The following DLG2 variants were observed in gnomAD, a reference collection of about 807,000 sequenced individuals.
The protein encoded by DLG2 is disks large homolog 2.
Under a neutral mutation model 132.5 loss-of-function variants are expected in DLG2, and 45 were observed. The observed-to-expected ratio is 0.34, with a 90% CI of 0.27 to 0.44. The LOEUF (loss-of-function observed/expected upper bound fraction) is 0.44, where lower values mean the gene tolerates loss of function less well. DLG2 is among the 20% of genes least tolerant of loss of function. The pLI is 1.00. For missense variants in DLG2, 1,045 were observed against 1,196.9 expected (o/e 0.87, Z 1.87); for synonymous variants, 424 against 419.6 (o/e 1.01, Z -0.13).
intron 3 of DLG2, among the ~76,000 whole-genome samples, chr11:85,337,542 G>T (rs1481176847): frequency 2.0e-5 from 3 of 152,170 alleles, no homozygotes; most frequent in African/African-American, 7.2e-5. Context: ...ATGCAAGACT[G>T]TACATTTTTA....
intron 6 of DLG2, among the ~76,000 whole-genome samples, chr11:84,644,156 C>G (rs1413764629): frequency 6.6e-6 from 1 of 152,084 alleles, no homozygotes; most frequent in African/African-American, 2.4e-5. Context: ...CCTGAGTTTT[C>G]CCGGGGGCTG....
intron 6 of DLG2, among the ~76,000 whole-genome samples, chr11:84,748,250 A>G (rs1331131154): frequency 6.6e-6 from 1 of 152,192 alleles, no homozygotes; most frequent in African/African-American, 2.4e-5. Context: ...TGAGGCCCCC[A>G]ACATGCCAAT....
At chr11:84,848,323 A>G (rs1382831638) in intron 6 of DLG2, among the ~76,000 whole-genome samples, 1 of 151,936 alleles carries the variant, frequency 6.6e-6, no homozygotes, top group Admixed American at 6.6e-5. Context: ...GTGAAGACCC[A>G]TCTCTACTAA....
At chr11:85,505,484 G>T (rs1350745850) in intron 3 of DLG2, among the ~76,000 whole-genome samples, 1 of 152,012 alleles carries the variant, frequency 6.6e-6, no homozygotes, top group Admixed American at 6.6e-5. Flanking sequence ...AAATTATGTG[G>T]TTTTTGTCTT....
chr11:84,253,223 C>T (rs2097414925), intron 7 of DLG2, among the ~76,000 whole-genome samples: 2 of 152,004 alleles, frequency 1.3e-5, no homozygotes, highest in Admixed American at 6.6e-5. Context: ...ATGAGGTCTG[C>T]AGTCAGAAGA....
chr11:85,307,260 A>G (rs1215708778), intron 3 of DLG2, among the ~76,000 whole-genome samples: 1 of 152,230 alleles, frequency 6.6e-6, no homozygotes, highest in Non-Finnish European at 1.5e-5. Context: ...AGGAAAAATT[A>G]AAAGTACATA....
chr11:83,936,583 C>G (rs2081488862), intron 14 of DLG2, among the ~76,000 whole-genome samples: 1 of 152,156 alleles, frequency 6.6e-6, no homozygotes, highest in Non-Finnish European at 1.5e-5. Context: ...AAACATCACT[C>G]TCAGTTATAT....
At chr11:84,202,570 T>TA (rs2096610282) in intron 8 of DLG2, among the ~76,000 whole-genome samples, 1 of 152,298 alleles carries the variant, frequency 6.6e-6, no homozygotes, top group South Asian at 2.1e-4. Context: ...AAAGATTTCC[T>TA]AACGAAGACA....
intron 18 of DLG2, among the ~76,000 whole-genome samples, chr11:83,776,605 T>C (rs527441558): frequency 3.4e-4 from 52 of 152,328 alleles, no homozygotes; most frequent in African/African-American, 1.2e-3. Context: ...TTCATTGTTT[T>C]TAGTAGAAAT....
At chr11:85,302,353 T>C (rs1391253613) in intron 3 of DLG2, among the ~76,000 whole-genome samples, 1 of 152,216 alleles carries the variant, frequency 6.6e-6, no homozygotes, top group Non-Finnish European at 1.5e-5. Flanking sequence ...ATCAAAGTAT[T>C]ACAATTTGGC....
chr11:84,362,228 C>A (rs2098653790), intron 7 of DLG2, among the ~76,000 whole-genome samples: 2 of 151,910 alleles, frequency 1.3e-5, no homozygotes, highest in Non-Finnish European at 2.9e-5. Context: ...TTCTCACGCC[C>A]AGTTCAGTAC....
chr11:84,176,500 T>A (rs2095972915), intron 8 of DLG2, among the ~76,000 whole-genome samples: 1 of 138,560 alleles, frequency 7.2e-6, no homozygotes, highest in Admixed American at 7.0e-5. Context: ...ACTTACCCTG[T>A]TTTTTCTCTG....
At chr11:85,116,552 C>A (rs572203861) in intron 5 of DLG2, among the ~76,000 whole-genome samples, 15 of 151,554 alleles carry the variant, frequency 9.9e-5, no homozygotes, top group African/African-American at 3.6e-4. Context: ...ATTATTCTGG[C>A]AAAATAAAGG....
At chr11:84,859,751 T>TTC (rs2083364126) in intron 6 of DLG2, among the ~76,000 whole-genome samples, 1 of 152,036 alleles carries the variant, frequency 6.6e-6, no homozygotes, top group Non-Finnish European at 1.5e-5. Context: ...TCTCTTCATT[T>TTC]TCCTCAGCAC....
chr11:84,799,998 A>G (rs1295896920), intron 6 of DLG2, among the ~76,000 whole-genome samples: 1 of 152,192 alleles, frequency 6.6e-6, no homozygotes, highest in Non-Finnish European at 1.5e-5. Context: ...ACCTCTATAG[A>G]ATAAATGGGG....
chr11:84,456,370 C>T (rs939948863), intron 7 of DLG2, among the ~76,000 whole-genome samples: 4 of 151,170 alleles, frequency 2.6e-5, no homozygotes, highest in African/African-American at 4.8e-5. Flanking sequence ...GAGCCTATCT[C>T]ATATAATTCC....
intron 6 of DLG2, among the ~76,000 whole-genome samples, chr11:84,857,645 T>G (rs917210296): frequency 1.3e-5 from 2 of 152,116 alleles, no homozygotes; most frequent in African/African-American, 4.8e-5. Flanking sequence ...CATACTTTAT[T>G]TAGTCCCTAT....
At chr11:84,451,564 C>CTAA (rs1238643598) in intron 7 of DLG2, among the ~76,000 whole-genome samples, 40 of 151,706 alleles carry the variant, frequency 2.6e-4, no homozygotes, top group African/African-American at 9.7e-4. Context: ...GTATATATGT[C>CTAA]TAATAAGCAA....
chr11:84,207,657 A>G (rs1272176897), intron 8 of DLG2, among the ~76,000 whole-genome samples: 1 of 152,220 alleles, frequency 6.6e-6, no homozygotes, highest in Non-Finnish European at 1.5e-5. Flanking sequence ...ATTAAAAACC[A>G]TTATGTAATA....
Sources: gnomAD v4.1 joint callset for allele counts (sites outside exome capture counted in the v4.1 genomes callset) on GRCh38, gnomAD v4.1.1 for gene constraint, MANE v1.5 for transcripts, NCBI Gene and HGNC (gene_info 2026-07-23, HGNC 2026-07-21) for gene names.